The following NPY2R variants were observed in gnomAD, a reference collection of about 807,000 sequenced individuals.
NPY2R encodes the protein neuropeptide Y receptor type 2.
A neutral mutation model predicts 22.3 loss-of-function variants in NPY2R; 17 were observed. The observed-to-expected ratio is 0.76, with a 90% CI of 0.52 to 1.14. The LOEUF is 1.14. Among genes scored for constraint, NPY2R ranks in the 50% most tolerant of loss-of-function variants. The pLI, the probability that NPY2R is intolerant of heterozygous loss-of-function variation, is 0.00. For missense variants in NPY2R, 424 were observed against 467.9 expected (o/e 0.91, Z 0.87); for synonymous variants, 209 against 183.4 (o/e 1.14, Z -1.13).
chr4:155,190,417 A>G, the NPY2R span, among the ~76,000 whole-genome samples: 1 of 151,914 alleles, frequency 6.6e-6, no homozygotes, highest in Non-Finnish European at 1.5e-5. Context: ...ATGATCAACC[A>G]CTCAAAAGAA....
At chr4:155,199,165 C>G in the NPY2R span, among the ~76,000 whole-genome samples, 1 of 151,868 alleles carries the variant, frequency 6.6e-6, no homozygotes, top group East Asian at 1.9e-4. Context: ...GTATTCTTAC[C>G]TATTGGGCTT....
the NPY2R span, among the ~76,000 whole-genome samples, chr4:155,189,733 C>A: frequency 1.3e-5 from 2 of 151,798 alleles, no homozygotes; most frequent in Non-Finnish European, 2.9e-5. Context: ...CATCTACAAC[C>A]AAACCAGGAG....
At chr4:155,199,644 G>A in the NPY2R span, among the ~76,000 whole-genome samples, 121 of 152,208 alleles carry the variant, frequency 7.9e-4, 2 homozygotes, top group South Asian at 0.023. Context: ...AACCAAAATA[G>A]CATGGTACTT....
At chr4:155,213,557 A>C (rs997117253) in intron 1 of NPY2R, among the ~76,000 whole-genome samples, 5 of 152,240 alleles carry the variant, frequency 3.3e-5, no homozygotes, top group Non-Finnish European at 7.3e-5. Context: ...CAATTCATAA[A>C]GTTTATAATA....
rs772367660 is a variant in NPY2R, at chr4:155,213,977, C to G, written c.38C>G (p.Thr13Arg). 6.2e-7 allele frequency: 1 copy of G among 1,614,022 alleles called. No homozygotes were observed. Among genetic ancestry groups the G allele is most frequent in the East Asian group, 2.2e-5 (1 of 44,864 alleles). Residue 13 changes from threonine to arginine, a missense_variant, in exon 2 of 2, where the codon ACA (threonine) becomes AGA (arginine). By Grantham distance (71) the Thr-to-Arg change is moderately conservative (BLOSUM62 -1). Transcript: ENST00000329476. Reference sequence around the variant, plus strand: ...GGTGCAGAGGCTGATGAGAACCAGACAGTGGAAGAAATGAAGGTGGAACAA... The same window carrying G: ...GGTGCAGAGGCTGATGAGAACCAGAGAGTGGAAGAAATGAAGGTGGAACAA... ...PIGAEADENQ[T>R]VEEMKVEQYG... is the part of the protein sequence containing the mutation.
At chr4:155,210,447 C>T (rs557644136) in intron 1 of NPY2R, among the ~76,000 whole-genome samples, 1 of 152,296 alleles carries the variant, frequency 6.6e-6, no homozygotes, top group East Asian at 1.9e-4. Flanking sequence ...CATGCTTCCT[C>T]TCAATTTAGT....
chr4:155,189,977 C>T, the NPY2R span, among the ~76,000 whole-genome samples: 1 of 151,974 alleles, frequency 6.6e-6, no homozygotes, highest in Non-Finnish European at 1.5e-5. Context: ...TCAAATTATA[C>T]ATTTGAACAA....
intron 1 of NPY2R, among the ~76,000 whole-genome samples, chr4:155,211,224 G>C (rs1288064310): frequency 6.6e-6 from 1 of 152,166 alleles, no homozygotes; most frequent in Non-Finnish European, 1.5e-5. Context: ...TTAAACAATG[G>C]AGGAAGAAGG....
rs555961141 is a variant in NPY2R at position 155,215,400 on chromosome 4, C to T, written c.*315C>T. Reference sequence around the variant, plus strand: ...AACTTGAACAAGAAATTGGTATTATCAAAGCATTGCTGAGAGACGGTGGGA... The same window carrying T: ...AACTTGAACAAGAAATTGGTATTATTAAAGCATTGCTGAGAGACGGTGGGA... On this transcript the variant is annotated 3_prime_UTR_variant, in exon 2 of 2. Coordinates refer to ENST00000329476, the MANE Select transcript of NPY2R (RefSeq NM_000910.4). The T allele has an allele frequency of 8.7e-5, 38 of 435,266 alleles. No homozygotes were observed. Among genetic ancestry groups the T allele is most frequent in the South Asian group, 8.0e-4 (37 of 46,466 alleles). 27.0% of individuals were successfully genotyped at this position (435,266 alleles called of 1,614,324 possible). A position where few individuals can be genotyped will look rare whatever the true frequency, so the allele number is the denominator to read the frequency against.
chr4:155,179,971 A>G, the NPY2R span, among the ~76,000 whole-genome samples: 5 of 148,746 alleles, frequency 3.4e-5, no homozygotes, highest in African/African-American at 9.9e-5. Context: ...TATACTTTCT[A>G]TTGTCTAGTA....
chr4:155,210,839 GA>G (rs1050610388), intron 1 of NPY2R, among the ~76,000 whole-genome samples: 4 of 151,676 alleles, frequency 2.6e-5, no homozygotes, highest in African/African-American at 9.7e-5. Flanking sequence ...TGCGGAAAGA[GA>G]AAAAAAAGTG....
At position 155,216,384 on chromosome 4, in the gene NPY2R, T is replaced by G. The variant is rs1273497890; in HGVS notation, c.*1299T>G. 6.0e-6 allele frequency: 1 copy of G among 166,816 alleles called. No homozygotes were observed. The highest frequency in any genetic ancestry group is 2.4e-5 in the African/African-American group (1 of 41,450). 10.3% of individuals were successfully genotyped at this position (166,816 alleles called of 1,614,324 possible). A position where few individuals can be genotyped will look rare whatever the true frequency, so the allele number is the denominator to read the frequency against. On this transcript the variant is annotated 3_prime_UTR_variant, in exon 2 of 2. Transcript: ENST00000329476. ...TATTTCAATAGTACCCAACCAAAGATGCTTAAAAACCTTCTATGTTCATAA... is the reference window on the plus strand; with the variant it reads ...TATTTCAATAGTACCCAACCAAAGAGGCTTAAAAACCTTCTATGTTCATAA...
At chr4:155,203,025 C>G in the NPY2R span, among the ~76,000 whole-genome samples, 7,763 of 152,000 alleles carry the variant, frequency 0.051, 241 homozygotes, top group Middle Eastern at 0.096. Flanking sequence ...ATTTAAATAC[C>G]CTTTTAGATT....
At chr4:155,192,248 A>G in the NPY2R span, among the ~76,000 whole-genome samples, 1 of 152,060 alleles carries the variant, frequency 6.6e-6, no homozygotes, top group Middle Eastern at 3.4e-3. Context: ...CTGTTGATGT[A>G]ACCTGTGGTT....
the NPY2R span, among the ~76,000 whole-genome samples, chr4:155,187,495 A>G: frequency 3.9e-5 from 6 of 152,098 alleles, no homozygotes; most frequent in Non-Finnish European, 8.8e-5. Flanking sequence ...AAACCAGTAG[A>G]TATAAAACCT....
the NPY2R span, among the ~76,000 whole-genome samples, chr4:155,193,994 A>G: frequency 6.6e-6 from 1 of 151,990 alleles, no homozygotes; most frequent in African/African-American, 2.4e-5. Context: ...AGAGACACAC[A>G]GGACTAAGAG....
At chr4:155,180,502 A>T in the NPY2R span, among the ~76,000 whole-genome samples, 1 of 152,092 alleles carries the variant, frequency 6.6e-6, no homozygotes, top group Non-Finnish European at 1.5e-5. Flanking sequence ...TACTTCTTAT[A>T]CCAGTTGACA....
chr4:155,198,422 AAT>A, the NPY2R span, among the ~76,000 whole-genome samples: 2 of 148,242 alleles, frequency 1.3e-5, no homozygotes, highest in East Asian at 2.0e-4. Flanking sequence ...ATGTATATAA[AAT>A]ATATATATCT....
the NPY2R span, chr4:155,174,414 G>C: frequency 1.4e-5 from 2 of 146,694 alleles, no homozygotes; most frequent in South Asian, 4.2e-4. Flanking sequence ...TTAAGTGATA[G>C]AGCTCAGATA....
Sources: gnomAD v4.1 joint callset for allele counts (sites outside exome capture counted in the v4.1 genomes callset) on GRCh38, gnomAD v4.1.1 for gene constraint, MANE v1.5 for transcripts, NCBI Gene and HGNC (gene_info 2026-07-23, HGNC 2026-07-21) for gene names.